The following GATAD2A variants were observed in gnomAD, a reference collection of about 807,000 sequenced individuals.
The protein encoded by GATAD2A is transcriptional repressor p66-alpha.
Under a neutral mutation model 68.5 loss-of-function variants are expected in GATAD2A, and 12 were observed. That is an observed-to-expected ratio of 0.18 (90% CI 0.11 to 0.28). The LOEUF is 0.28. Ranked by LOEUF, GATAD2A falls within the 10% of genes least tolerant of loss-of-function variation. The probability of loss-of-function intolerance (pLI) is 1.00; values close to 1 mark genes in which losing one functional copy is unlikely to be tolerated. For missense variants in GATAD2A, 755 were observed against 868.5 expected, an observed-to-expected ratio of 0.87 and a Z score of 1.64; for synonymous variants, 410 against 375.3, an observed-to-expected ratio of 1.09 and a Z score of -1.07.
At chr19:19,495,634 T>TAACAA in intron 5 of GATAD2A, 120 bp from the exon 6 acceptor site, 1 of 546,344 alleles carries the variant, frequency 1.8e-6, no homozygotes, top group East Asian at 3.5e-5. Context: ...CTCTGCTACT[T>TAACAA]AAAAAAAAAA....
chr19:19,484,534 T>TC (rs2059295341), intron 2 of GATAD2A, among the ~76,000 whole-genome samples: 1 of 136,906 alleles, frequency 7.3e-6, no homozygotes, highest in Non-Finnish European at 1.6e-5. Context: ...TTTTTTTTCT[T>TC]TTTTTTTTTT....
chr19:19,386,282 G>GC lies in GATAD2A; in HGVS notation c.-7+151dup, dbSNP rs963357360. On this transcript the variant is annotated intron_variant, in intron 1 of 11. Coordinates refer to the GATAD2A transcript ENST00000360315. ...CCCCTCAGGGGAGCCCCTGCTCTGG[G>GC]CCCCCCCGCCTCTCCAGGGGACCCC... 1.6e-3 allele frequency: 240 copies of GC among 151,686 alleles called. 1 individual carries two copies. Among genetic ancestry groups the GC allele is most frequent in the African/African-American group, 5.6e-3 (231 of 41,170 alleles). The allele number at this position is 151,686 out of a possible 1,614,324, so 9.4% of individuals were successfully genotyped here. A position where few individuals can be genotyped will look rare whatever the true frequency, so the allele number is the denominator to read the frequency against.
chr19:19,404,446 C>T (rs1193829869), upstream of GATAD2A, among the ~76,000 whole-genome samples: 3 of 151,738 alleles, frequency 2.0e-5, no homozygotes, highest in Admixed American at 6.6e-5. Flanking sequence ...TTTGGGAGGC[C>T]GATGCGAACA....
intron 1 of GATAD2A, among the ~76,000 whole-genome samples, chr19:19,426,609 C>T (rs1003107046): frequency 1.4e-5 from 2 of 143,010 alleles, no homozygotes; most frequent in African/African-American, 3.0e-5. Context: ...CTCCTGGGTT[C>T]CAGTGATTCT....
intron 1 of GATAD2A, among the ~76,000 whole-genome samples, chr19:19,393,924 T>G (rs1001509516): frequency 2.0e-5 from 3 of 151,780 alleles, no homozygotes; most frequent in African/African-American, 7.3e-5. Context: ...TCTTGCTCTG[T>G]CGCCCAGGCT....
chr19:19,391,432 A>C (rs149581543), intron 1 of GATAD2A, among the ~76,000 whole-genome samples: 1 of 152,190 alleles, frequency 6.6e-6, no homozygotes, highest in African/African-American at 2.4e-5. Flanking sequence ...ATTTCTTTCA[A>C]TTCTTTTAAG....
intron 2 of GATAD2A, chr19:19,474,055 A>G (rs532665691): frequency 3.0e-6 from 3 of 985,108 alleles, no homozygotes; most frequent in Non-Finnish European, 3.6e-6. Context: ...CCAGTTGTCC[A>G]GAACGTGGGA....
At position 19,505,365 on chromosome 19, in the gene GATAD2A, G is replaced by T; in HGVS notation, c.1796G>T (p.Ser599Ile). 6.2e-7 allele frequency: 1 copy of T among 1,613,310 alleles called. No homozygotes were observed. ...LSTGGTLAFV[S>I]PSLAVHKSSS... ...GCAGGCGGGACCCTTGCGTTTGTCA[G>T]CCCAAGCCTGGCGGTGCACAAGAGC... The change falls in exon 12 of 12, where the codon AGC (serine) becomes ATC (isoleucine). Residue 599 changes from serine (S) to isoleucine (I), a missense_variant. By Grantham distance (142) the Ser-to-Ile change is moderately radical. Coordinates refer to ENST00000683918, the MANE Select transcript of GATAD2A (RefSeq NM_001384528.1).
chr19:19,469,291 G>A (rs1040470178), intron 2 of GATAD2A, among the ~76,000 whole-genome samples: 1 of 151,876 alleles, frequency 6.6e-6, no homozygotes, highest in African/African-American at 2.4e-5. Context: ...AATTAGCCTG[G>A]CATGGTGGTG....
chr19:19,482,210 C>CCTG (rs2059110575), intron 2 of GATAD2A, among the ~76,000 whole-genome samples: 1 of 152,114 alleles, frequency 6.6e-6, no homozygotes, highest in Non-Finnish European at 1.5e-5. Context: ...TTGAGACCAG[C>CCTG]CTGACCAACG....
In GATAD2A at chr19:19,506,270, A is replaced by G; in HGVS notation, c.*796A>G. On this transcript the variant is annotated 3_prime_UTR_variant, in exon 12 of 12. Transcript: ENST00000683918. Reference sequence around the variant, plus strand: ...GAAGAACAAACTGAAGAACAGACCCAGCCAGAGAAGCAGGGATTCCAGAAG... The same window carrying G: ...GAAGAACAAACTGAAGAACAGACCCGGCCAGAGAAGCAGGGATTCCAGAAG... 1 of 398,182 alleles carries G rather than the reference A, an allele frequency of 2.5e-6. No individual in the cohort carries two copies. Among genetic ancestry groups the G allele is most frequent in the Non-Finnish European group, 4.4e-6 (1 of 225,938 alleles). 24.7% of individuals were successfully genotyped at this position (398,182 alleles called of 1,614,324 possible).
chr19:19,426,156 AG>A (rs2053069014), intron 1 of GATAD2A, among the ~76,000 whole-genome samples: 1 of 152,064 alleles, frequency 6.6e-6, no homozygotes, highest in Non-Finnish European at 1.5e-5. Context: ...GGTTGTCTGG[AG>A]TTTCCCTTGT....
chr19:19,505,555 C>T lies in GATAD2A; in HGVS notation c.*81C>T. The T allele has an allele frequency of 1.5e-6, 2 of 1,302,678 alleles. No homozygotes were observed. Among genetic ancestry groups the T allele is most frequent in the Admixed American group, 2.5e-5 (1 of 40,036 alleles). 80.7% of individuals were successfully genotyped at this position (1,302,678 alleles called of 1,614,324 possible). On this transcript the variant is annotated 3_prime_UTR_variant, in exon 12 of 12. Coordinates refer to ENST00000683918, the MANE Select transcript of GATAD2A (RefSeq NM_001384528.1). ...CTAGAAGGACCCACTGCACCACCCT[C>T]CGCTGGCTCGGGAAGACACCGTGCC... is the stretch of plus-strand genomic sequence containing the variant.
At chr19:19,420,636 A>G (rs1451253170) in intron 1 of GATAD2A, among the ~76,000 whole-genome samples, 1 of 151,714 alleles carries the variant, frequency 6.6e-6, no homozygotes, top group African/African-American at 2.4e-5. Flanking sequence ...CACCGCGACC[A>G]GCCCCATCTT....
At chr19:19,393,353 T>C in intron 1 of GATAD2A, among the ~76,000 whole-genome samples, 1 of 152,156 alleles carries the variant, frequency 6.6e-6, no homozygotes, top group East Asian at 1.9e-4. Context: ...AGAGCTTTAC[T>C]TGTGTGGCCA....
At chr19:19,414,994 G>A (rs1015255578) in intron 1 of GATAD2A, among the ~76,000 whole-genome samples, 6 of 151,448 alleles carry the variant, frequency 4.0e-5, no homozygotes, top group Non-Finnish European at 5.9e-5. Context: ...AGTGGCTCAG[G>A]TAACCTTAGC....
intron 2 of GATAD2A, among the ~76,000 whole-genome samples, chr19:19,483,705 C>T (rs1339485028): frequency 1.3e-5 from 2 of 151,958 alleles, no homozygotes; most frequent in African/African-American, 4.8e-5. Context: ...AACTCCACCT[C>T]CCGGGTTCAC....
intron 1 of GATAD2A, among the ~76,000 whole-genome samples, chr19:19,411,506 T>TG (rs2050917969): frequency 6.6e-6 from 1 of 152,180 alleles, no homozygotes; most frequent in African/African-American, 2.4e-5. Flanking sequence ...TGATGGTACT[T>TG]GCAGTGGTGT....
chr19:19,451,600 A>G (rs2056397929), intron 1 of GATAD2A, among the ~76,000 whole-genome samples: 1 of 152,172 alleles, frequency 6.6e-6, no homozygotes, highest in Non-Finnish European at 1.5e-5. Context: ...TAGGTGAGAA[A>G]TTGCAGGGCT....
Sources: allele counts gnomAD v4.1 joint callset (sites outside exome capture counted in the v4.1 genomes callset), GRCh38; gene constraint gnomAD v4.1.1; transcripts MANE v1.5; gene names NCBI Gene and HGNC (gene_info 2026-07-23, HGNC 2026-07-21).